The following MAPK10 variants were observed in gnomAD, a reference collection of about 807,000 sequenced individuals.
The protein encoded by MAPK10 is JNK3 alpha protein kinase.
A neutral mutation model predicts 59.3 loss-of-function variants in MAPK10; 25 were observed. The ratio of observed to expected loss-of-function variants is 0.42; its 90% CI spans 0.31 to 0.59. MAPK10 has a LOEUF of 0.59. Ranked by LOEUF, MAPK10 falls within the 20% of genes least tolerant of loss-of-function variation. The probability of loss-of-function intolerance (pLI) is 0.15; values close to 1 mark genes in which losing one functional copy is unlikely to be tolerated. For missense variants in MAPK10, 351 were observed against 568.9 expected, an observed-to-expected ratio of 0.62 and a Z score of 3.90; for synonymous variants, 190 against 200.5, an observed-to-expected ratio of 0.95 and a Z score of 0.44.
intron 11 of MAPK10, among the ~76,000 whole-genome samples, chr4:86,043,504 A>AC (rs2148945038): frequency 6.6e-6 from 1 of 152,246 alleles, no homozygotes; most frequent in Admixed American, 6.5e-5. Flanking sequence ...TTTTATAGAG[A>AC]CTTGGCTATA....
intron 2 of MAPK10, among the ~76,000 whole-genome samples, chr4:86,203,585 A>C (rs1003477556): frequency 1.3e-5 from 2 of 151,432 alleles, no homozygotes; most frequent in Non-Finnish European, 3.0e-5. Flanking sequence ...ATACGATGTC[A>C]TTACTTATAA....
intron 2 of MAPK10, among the ~76,000 whole-genome samples, chr4:86,291,883 C>T (rs913870058): frequency 1.1e-4 from 16 of 152,178 alleles, no homozygotes; most frequent in Middle Eastern, 3.4e-3. Context: ...AGGCATATAA[C>T]TTTTCCTGGA....
intron 2 of MAPK10, among the ~76,000 whole-genome samples, chr4:86,307,827 A>G (rs933259746): frequency 1.3e-5 from 2 of 152,138 alleles, no homozygotes; most frequent in African/African-American, 2.4e-5. Flanking sequence ...GGGAATCATT[A>G]AAGATTTTAG....
chr4:86,328,477 G>A (rs1165107353), intron 2 of MAPK10, among the ~76,000 whole-genome samples: 1 of 152,036 alleles, frequency 6.6e-6, no homozygotes, highest in African/African-American at 2.4e-5. Context: ...GAAATACCAC[G>A]TGACCCAGCA....
chr4:86,121,910 T>C (rs2059318639), intron 4 of MAPK10, among the ~76,000 whole-genome samples: 1 of 152,156 alleles, frequency 6.6e-6, no homozygotes, highest in Non-Finnish European at 1.5e-5. Context: ...TAACCACCAT[T>C]CTATTCTCTA....
chr4:86,341,505 C>T (rs1219589386), intron 2 of MAPK10, among the ~76,000 whole-genome samples: 2 of 152,060 alleles, frequency 1.3e-5, no homozygotes, highest in Non-Finnish European at 2.9e-5. Context: ...GGGAGGACGG[C>T]AATGTGTCAT....
chr4:86,191,393 G>T (rs754847330), intron 3 of MAPK10, among the ~76,000 whole-genome samples: 1 of 151,874 alleles, frequency 6.6e-6, no homozygotes, highest in Admixed American at 6.6e-5. Context: ...TCTCCTTGTA[G>T]GTCTCTAAGA....
At chr4:86,573,279 T>C (rs1289633316) in intron 1 of MAPK10, among the ~76,000 whole-genome samples, 1 of 152,218 alleles carries the variant, frequency 6.6e-6, no homozygotes, top group Non-Finnish European at 1.5e-5. Flanking sequence ...CTATGTACAA[T>C]TTCAAGTTAA....
At chr4:86,311,013 A>G (rs1475697934) in intron 2 of MAPK10, among the ~76,000 whole-genome samples, 15 of 146,098 alleles carry the variant, frequency 1.0e-4, no homozygotes, top group South Asian at 2.2e-4. Context: ...CCCAAGCACT[A>G]TATGATTACA....
At chr4:86,197,050 T>C (rs1452597105) in intron 2 of MAPK10, among the ~76,000 whole-genome samples, 1 of 152,204 alleles carries the variant, frequency 6.6e-6, no homozygotes, top group East Asian at 1.9e-4. Flanking sequence ...TGGGCTCTTT[T>C]TTGGTTCCAT....
At chr4:86,144,369 T>A (rs1214856722) in intron 4 of MAPK10, among the ~76,000 whole-genome samples, 1 of 152,178 alleles carries the variant, frequency 6.6e-6, no homozygotes. Flanking sequence ...ATCATAGAGA[T>A]ATTTTAATAT....
intron 4 of MAPK10, among the ~76,000 whole-genome samples, chr4:86,129,926 A>G (rs2060709018): frequency 6.6e-6 from 1 of 152,286 alleles, no homozygotes; most frequent in Admixed American, 6.5e-5. Flanking sequence ...AAAATTACAA[A>G]AATTCTCTTC....
chr4:86,540,214 G>A (rs1429537807), intron 1 of MAPK10, among the ~76,000 whole-genome samples: 1 of 152,158 alleles, frequency 6.6e-6, no homozygotes, highest in Non-Finnish European at 1.5e-5. Flanking sequence ...GTAAGAACTG[G>A]GCCATGCACA....
At chr4:86,054,386 C>T (rs1399991851) in intron 11 of MAPK10, among the ~76,000 whole-genome samples, 1 of 152,140 alleles carries the variant, frequency 6.6e-6, no homozygotes, top group Non-Finnish European at 1.5e-5. Context: ...AATCCGAAGG[C>T]AATTCAAACG....
chr4:86,081,069 GACAA>G (rs1172470687), intron 9 of MAPK10: 13 of 151,912 alleles, frequency 8.6e-5, no homozygotes, highest in Non-Finnish European at 1.8e-4. Flanking sequence ...TGCAGAGATA[GACAA>G]ACAAACCAGT....
chr4:86,109,183 CTTTAATA>C (rs1296169856), intron 4 of MAPK10, among the ~76,000 whole-genome samples: 2 of 152,164 alleles, frequency 1.3e-5, no homozygotes, highest in Non-Finnish European at 2.9e-5. Context: ...TCCTGGAACT[CTTTAATA>C]ATGACATTCC....
At chr4:86,373,009 T>C (rs113702984) in intron 1 of MAPK10, among the ~76,000 whole-genome samples, 2,056 of 152,266 alleles carry the variant, frequency 0.014, 11 homozygotes, top group African/African-American at 0.015. Flanking sequence ...CTTCAAACTA[T>C]ACTACAAGGC....
At chr4:86,564,090 C>T (rs908287663) in intron 1 of MAPK10, among the ~76,000 whole-genome samples, 6 of 152,164 alleles carry the variant, frequency 3.9e-5, no homozygotes. Context: ...CCTCGGCCTC[C>T]CAAAGTTCTG....
chr4:86,476,750 G>A (rs1753126020), intron 1 of MAPK10, among the ~76,000 whole-genome samples: 1 of 152,090 alleles, frequency 6.6e-6, no homozygotes, highest in African/African-American at 2.4e-5. Context: ...GCAATTCCTT[G>A]CCTCCACTGT....
Sources: allele counts gnomAD v4.1 joint callset (sites outside exome capture counted in the v4.1 genomes callset), GRCh38; gene constraint gnomAD v4.1.1; transcripts MANE v1.5; gene names NCBI Gene and HGNC (gene_info 2026-07-23, HGNC 2026-07-21).